Variants in ALKBH6 observed in about 807,000 individuals in gnomAD.
ALKBH6 encodes probable RNA/DNA demethylase ALKBH6.
A neutral mutation model predicts 25.1 loss-of-function variants in ALKBH6; 20 were observed. The ratio of observed to expected loss-of-function variants is 0.80; its 90% CI spans 0.56 to 1.16. ALKBH6 has a LOEUF of 1.16. Among genes scored for constraint, ALKBH6 ranks in the 50% most tolerant of loss-of-function variants. ALKBH6 has a pLI of 0.00. For missense variants in ALKBH6, 263 were observed against 326.5 expected, an observed-to-expected ratio of 0.81 and a Z score of 1.50; for synonymous variants, 156 against 147.5, an observed-to-expected ratio of 1.06 and a Z score of -0.42.
At chr19:36,014,236 C>T (rs867808327), upstream of ALKBH6, 1 of 1,612,768 alleles carries the variant, frequency 6.2e-7, no homozygotes, top group Non-Finnish European at 8.5e-7. Context: ...CCAGCCATTT[C>T]CGCCCCACAT....
chr19:36,011,248 C>A, intron 4 of ALKBH6, 156 bp downstream of exon 4: 1 of 1,135,798 alleles, frequency 8.8e-7, no homozygotes, highest in Non-Finnish European at 1.2e-6. Flanking sequence ...AATCCCTAAT[C>A]CCTCAGGACC....
Position 36,010,997 on chromosome 19 carries a change from C to T in ALKBH6, c.233G>A (p.Trp78Ter). 1.2e-6 allele frequency: 2 copies of T among 1,613,542 alleles called. No individual in the cohort carries two copies. The highest frequency in any genetic ancestry group is 1.7e-6 in the Non-Finnish European group (2 of 1,179,782). The change falls in exon 5 of 7, where the codon TGG (tryptophan) becomes TAG (stop). Residue 78 changes from tryptophan (W) to a stop codon, truncating the protein, a stop_gained. Transcript: ENST00000378875. LOFTEE classifies it high-confidence loss of function. This position sits in a 1 kb window ranked among gnomAD's most constrained non-coding sequence, Gnocchi z 5.5. ...CACTTTGTCCACGTAGCGCTGGAGC[C>T]ATGGGGGCAGCCGCTCAGGAACCAT... is the stretch of plus-strand genomic sequence containing the variant. ...RGMVPERLPP[W>*]LQRYVDKVSN...
chr19:36,013,647 C>T lies in ALKBH6; in HGVS notation c.-25-225G>A. 1 of 1,385,382 alleles carries T rather than the reference C, an allele frequency of 7.2e-7. No homozygotes were observed. The highest frequency in any genetic ancestry group is 1.5e-5 in the South Asian group (1 of 64,906). The allele number at this position is 1,385,382 out of a possible 1,614,324, so 85.8% of individuals were successfully genotyped here. Reference sequence around the variant, plus strand: ...GAATAATCCCCCATTACTCTGTCCACTAAGGGCCCATCCAACTACACATAT... The same window carrying T: ...GAATAATCCCCCATTACTCTGTCCATTAAGGGCCCATCCAACTACACATAT... On this transcript the variant is annotated intron_variant, in intron 1 of 6. Transcript: ENST00000378875. This position sits in a 1 kb window ranked among gnomAD's most constrained non-coding sequence, Gnocchi z 4.6.
intron 3 of ALKBH6, chr19:36,012,353 GTCTAGC>G (rs1201019130): frequency 6.6e-6 from 1 of 152,260 alleles, no homozygotes; most frequent in African/African-American, 2.4e-5. Flanking sequence ...AGTCCAACAA[GTCTAGC>G]TCTAGTTGAT....
chr19:36,010,261 T>G lies in ALKBH6; in HGVS notation c.453+306A>C. On this transcript the variant is annotated intron_variant, in intron 6 of 6. Coordinates refer to ENST00000378875, the MANE Select transcript of ALKBH6 (RefSeq NM_032878.5). The surrounding 1 kb of genome is among the most constrained non-coding windows in gnomAD (Gnocchi z 5.5). The stretch of plus-strand genomic sequence containing the variant: ...GGCAGATAGAGCATCTGGGAGGAGG[T>G]GAGGCCCCCCGAGTTAATGGCGGTG... 2 of 335,956 alleles carry G rather than the reference T, an allele frequency of 6.0e-6. No individual in the cohort carries two copies. The highest frequency in any genetic ancestry group is 1.1e-5 in the Non-Finnish European group (2 of 179,994). 20.8% of individuals were successfully genotyped at this position (335,956 alleles called of 1,614,324 possible).
chr19:36,013,971 C>T lies in ALKBH6; in HGVS notation c.-26+204G>A, dbSNP rs1430576923. ...CTCGGATTTCCCCTCCTGAGCGCCC[C>T]TTCACTCCAGCACCCTGAGATCTTT... On this transcript the variant is annotated intron_variant, in intron 1 of 6. Transcript: ENST00000378875. This position sits in a 1 kb window ranked among gnomAD's most constrained non-coding sequence, Gnocchi z 4.6. 1.4e-6 allele frequency: 2 copies of T among 1,387,170 alleles called. No individual in the cohort carries two copies. The highest frequency in any genetic ancestry group is 1.9e-6 in the Non-Finnish European group (2 of 1,076,050). The allele number at this position is 1,387,170 out of a possible 1,614,324, so 85.9% of individuals were successfully genotyped here.
intron 4 of ALKBH6, 108 bp downstream of exon 4, chr19:36,011,296 C>G: frequency 7.2e-7 from 1 of 1,392,266 alleles, no homozygotes. Flanking sequence ...GCTCTTGGGG[C>G]CCCTTGAGCT....
chr19:36,014,022 T>C (rs1968706598), intron 1 of ALKBH6, 153 bp downstream of exon 1: 5 of 1,453,676 alleles, frequency 3.4e-6, no homozygotes, highest in Non-Finnish European at 9.0e-7. Flanking sequence ...TCCCAAATCT[T>C]CTTCCCTCCC....
chr19:36,010,611 A>C lies in ALKBH6; in HGVS notation c.409T>G (p.Phe137Val). The change falls in exon 6 of 7, where the codon TTC becomes GTC. Residue 137 changes from phenylalanine to valine, a missense_variant. Coordinates refer to ENST00000378875, the MANE Select transcript of ALKBH6 (RefSeq NM_032878.5). The surrounding 1 kb of genome is among the most constrained non-coding windows in gnomAD (Gnocchi z 5.5). ...TCCTCTGGCCGCCGCGGCTCGTAGA[A>C]GTCCAGCACGGTGTGGGAGCCCAGG... ...ISLGSHTVLD[F>V]YEPRRPEDDD... The C allele has an allele frequency of 5.0e-6, 8 of 1,614,002 alleles. No individual in the cohort carries two copies. The highest frequency in any genetic ancestry group is 6.8e-6 in the Non-Finnish European group (8 of 1,179,918).
At position 36,010,788 on chromosome 19, in the gene ALKBH6, T is replaced by C; in HGVS notation, c.337-105A>G. The stretch of plus-strand genomic sequence containing the variant: ...CAGGGACAGGGAGGTGAATGCCTGT[T>C]TGGGAGATGTGGCTGCCTAATGAGT... On this transcript the variant is annotated intron_variant, in intron 5 of 6. Transcript: ENST00000378875. The surrounding 1 kb of genome is among the most constrained non-coding windows in gnomAD (Gnocchi z 5.5). The C allele has an allele frequency of 6.4e-7, 1 of 1,564,840 alleles. No homozygotes were observed. The highest frequency in any genetic ancestry group is 8.8e-7 in the Non-Finnish European group (1 of 1,136,690).
At position 36,010,916 on chromosome 19, in the gene ALKBH6, T is replaced by C; in HGVS notation, c.314A>G (p.Tyr105Cys). 6.2e-7 allele frequency: 1 copy of C among 1,614,040 alleles called. No homozygotes were observed. The highest frequency in any genetic ancestry group is 8.5e-7 in the Non-Finnish European group (1 of 1,179,956). ...LPANHVLVNQ[Y>C]LPGEGIMPHE... ...TACCATGATGCCCTCCCCAGGCAGA[T>C]ACTGGTTCACGAGGACATGGTTAGC... Residue 105 changes from tyrosine (Y) to cysteine (C), a missense_variant, in exon 5 of 7, where the codon TAT becomes TGT. Transcript: ENST00000378875. This position sits in a 1 kb window ranked among gnomAD's most constrained non-coding sequence, Gnocchi z 5.5.
chr19:36,013,902 C>T lies in ALKBH6; in HGVS notation c.-26+273G>A, dbSNP rs1968700665. On this transcript the variant is annotated intron_variant, in intron 1 of 6. Transcript: ENST00000378875. This position sits in a 1 kb window ranked among gnomAD's most constrained non-coding sequence, Gnocchi z 4.6. ...TGACCCCAATCTGAGCCTCCTCAGACATGTCCACCCTCAGCCTCCTCGGAT... is the reference window on the plus strand; with the variant it reads ...TGACCCCAATCTGAGCCTCCTCAGATATGTCCACCCTCAGCCTCCTCGGAT... 1 of 1,357,964 alleles carries T rather than the reference C, an allele frequency of 7.4e-7. No individual in the cohort carries two copies. The highest frequency in any genetic ancestry group is 3.1e-5 in the East Asian group (1 of 32,000). The allele number at this position is 1,357,964 out of a possible 1,614,324, so 84.1% of individuals were successfully genotyped here. A position where few individuals can be genotyped will look rare whatever the true frequency, so the allele number is the denominator to read the frequency against.
Position 36,009,361 on chromosome 19 carries a change from C to T in ALKBH6, c.646G>A (p.Gly216Ser). 1 of 1,296,586 alleles carries T rather than the reference C, an allele frequency of 7.7e-7. No individual in the cohort carries two copies. Among genetic ancestry groups the T allele is most frequent in the Non-Finnish European group, 9.8e-7 (1 of 1,022,452 alleles). The allele number at this position is 1,296,586 out of a possible 1,614,324, so 80.3% of individuals were successfully genotyped here. A position where few individuals can be genotyped will look rare whatever the true frequency, so the allele number is the denominator to read the frequency against. The change falls in exon 7 of 7, where the codon GGC becomes AGC. Residue 216 changes from glycine (G) to serine (S), a missense_variant. By Grantham distance (56) the Gly-to-Ser change is moderately conservative (BLOSUM62 0). Around this residue, in one of 3 missense-constraint regions of ALKBH6, gnomAD observed 148 missense variants for 157.5 expected, o/e 0.94. Coordinates refer to ENST00000378875, the MANE Select transcript of ALKBH6 (RefSeq NM_032878.5). ...SARPGACLVR[G>S]TRVSLTIRRV... The stretch of plus-strand genomic sequence containing the variant: ...CGGATGGTCAGCGAGACCCGGGTGC[C>T]GCGCACCAGGCAGGCTCCCGGCCGC...
At chr19:36,014,081 G>C in intron 1 of ALKBH6, 94 bp downstream of exon 1, 2 of 1,578,498 alleles carry the variant, frequency 1.3e-6, no homozygotes, top group Non-Finnish European at 1.7e-6. Context: ...TCCAAGCTCT[G>C]AGCCTCCTCG....
At position 36,010,244 on chromosome 19, in the gene ALKBH6, G is replaced by T; in HGVS notation, c.453+323C>A. ...GGGGCACCCTGAGCAGGGGCAGATAGAGCATCTGGGAGGAGGTGAGGCCCC... is the reference window on the plus strand; with the variant it reads ...GGGGCACCCTGAGCAGGGGCAGATATAGCATCTGGGAGGAGGTGAGGCCCC... On this transcript the variant is annotated intron_variant, in intron 6 of 6. Transcript: ENST00000378875. This position sits in a 1 kb window ranked among gnomAD's most constrained non-coding sequence, Gnocchi z 5.5. 1 of 315,668 alleles carries T rather than the reference G, an allele frequency of 3.2e-6. No homozygotes were observed. The highest frequency in any genetic ancestry group is 6.0e-6 in the Non-Finnish European group (1 of 167,800). The allele number at this position is 315,668 out of a possible 1,614,324, so 19.6% of individuals were successfully genotyped here. A position where few individuals can be genotyped will look rare whatever the true frequency, so the allele number is the denominator to read the frequency against.
rs538578478 is a variant in ALKBH6, at chr19:36,013,913, T to G, written c.-26+262A>C. On this transcript the variant is annotated intron_variant, in intron 1 of 6. Coordinates refer to ENST00000378875, the MANE Select transcript of ALKBH6 (RefSeq NM_032878.5). The surrounding 1 kb of genome is among the most constrained non-coding windows in gnomAD (Gnocchi z 4.6). ...TGAGCCTCCTCAGACATGTCCACCC[T>G]CAGCCTCCTCGGATCCCCCCATTTG... The G allele has an allele frequency of 3.0e-5, 40 of 1,313,198 alleles. No homozygotes were observed. The South Asian group carries it at 5.7e-4, about 19-fold the overall frequency. 81.3% of individuals were successfully genotyped at this position (1,313,198 alleles called of 1,614,324 possible).
Position 36,013,558 on chromosome 19 carries a change from T to A in ALKBH6, c.-25-136A>T. On this transcript the variant is annotated intron_variant, in intron 1 of 6. Coordinates refer to ENST00000378875, the MANE Select transcript of ALKBH6 (RefSeq NM_032878.5). This position sits in a 1 kb window ranked among gnomAD's most constrained non-coding sequence, Gnocchi z 4.6. ...GCACTTGGTCTCTAAAATCTGAGTC[T>A]TCAGCATCTTACAAGCCACACAGAG... 1 of 1,460,094 alleles carries A rather than the reference T, an allele frequency of 6.8e-7. No individual in the cohort carries two copies. Among genetic ancestry groups the A allele is most frequent in the Middle Eastern group, 2.3e-4 (1 of 4,280 alleles). 90.4% of individuals were successfully genotyped at this position (1,460,094 alleles called of 1,614,324 possible). A position where few individuals can be genotyped will look rare whatever the true frequency, so the allele number is the denominator to read the frequency against.
In ALKBH6 at chr19:36,009,474, G is replaced by A; in HGVS notation, c.533C>T (p.Thr178Met). The A allele has an allele frequency of 8.0e-7, 1 of 1,249,050 alleles. No homozygotes were observed. Among genetic ancestry groups the A allele is most frequent in the Non-Finnish European group, 1.0e-6 (1 of 998,732 alleles). The allele number at this position is 1,249,050 out of a possible 1,614,324, so 77.4% of individuals were successfully genotyped here. A position where few individuals can be genotyped will look rare whatever the true frequency, so the allele number is the denominator to read the frequency against. Reference protein sequence around the residue: ...SLLVLRGPAYTRLLHGIAAAR... With the variant: ...SLLVLRGPAYMRLLHGIAAAR... The stretch of plus-strand genomic sequence containing the variant: ...GGCGGCGATGCCGTGGAGAAGACGC[G>A]TGTAGGCGGGGCCGCGGAGCACCAG... The change falls in exon 7 of 7, where the codon ACG (threonine) becomes ATG (methionine). Residue 178 changes from threonine to methionine, a missense_variant. Coordinates refer to ENST00000378875, the MANE Select transcript of ALKBH6 (RefSeq NM_032878.5).
chr19:36,009,306 A>G lies in ALKBH6; in HGVS notation c.701T>C (p.Leu234Pro). 7.4e-7 allele frequency: 1 copy of G among 1,359,530 alleles called. No homozygotes were observed. The highest frequency in any genetic ancestry group is 9.5e-7 in the Non-Finnish European group (1 of 1,053,484). The allele number at this position is 1,359,530 out of a possible 1,614,324, so 84.2% of individuals were successfully genotyped here. A position where few individuals can be genotyped will look rare whatever the true frequency, so the allele number is the denominator to read the frequency against. ...RRVPRVLRAG[L>P]LLGK is the part of the protein sequence containing the mutation. The stretch of plus-strand genomic sequence containing the variant: ...CCCTGGCGGTCACTTGCCCAGCAGG[A>G]GGCCGGCGCGCAGCACGCGGGGCAC... Residue 234 changes from leucine to proline, a missense_variant, in exon 7 of 7, where the codon CTC becomes CCC. By Grantham distance (98) the Leu-to-Pro change is moderately conservative. Coordinates refer to ENST00000378875, the MANE Select transcript of ALKBH6 (RefSeq NM_032878.5).
Sources: gnomAD v4.1 joint callset for allele counts on GRCh38, gnomAD v4.1.1 for gene constraint, gnomAD v4.1.1 regional missense constraint, Gnocchi (gnomAD v3.1) non-coding constraint, MANE v1.5 for transcripts, NCBI Gene and HGNC (gene_info 2026-07-23, HGNC 2026-07-21) for gene names.